Variants in TBC1D26 observed in about 807,000 individuals in gnomAD.
TBC1D26 encodes the protein TBC1 domain family member 26, also known as TBC1 domain family, member 26.
In TBC1D26, 19 loss-of-function variants were observed where a neutral mutation model predicts 42.5. That is an observed-to-expected ratio of 0.45 (90% CI 0.31 to 0.66). TBC1D26 has a LOEUF of 0.66. Ranked by LOEUF, TBC1D26 falls within the 30% of genes least tolerant of loss-of-function variation. TBC1D26 has a pLI of 0.06. For synonymous variants in TBC1D26, 97 were observed against 123.5 expected (o/e 0.79, Z 1.42); for missense variants, 228 against 332.6 (o/e 0.69, Z 2.45).
intron 7 of TBC1D26, 129 bp downstream of exon 7, chr17:15,738,516 C>T: frequency 2.3e-6 from 3 of 1,330,250 alleles, no homozygotes; most frequent in South Asian, 1.3e-5. Flanking sequence ...ACATCCTGGG[C>T]ATAGATGGTA....
intron 1 of TBC1D26, among the ~76,000 whole-genome samples, chr17:15,734,552 G>A (rs1386053590): frequency 1.3e-5 from 2 of 151,930 alleles, no homozygotes; most frequent in Non-Finnish European, 2.9e-5. Flanking sequence ...CTTGGGGACT[G>A]GAACCCTCCT....
chr17:15,740,003 C>T, intron 8 of TBC1D26, 97 bp from the exon 9 acceptor site: 1 of 1,493,264 alleles, frequency 6.7e-7, no homozygotes, highest in African/African-American at 1.4e-5. Context: ...ATCATCTGAA[C>T]CCAGAATTGT....
At chr17:15,732,701 C>T (rs12452362) in intron 1 of TBC1D26, among the ~76,000 whole-genome samples, 91,305 of 151,928 alleles carry the variant, frequency 0.6, 27,463 homozygotes, top group Middle Eastern at 0.67. Flanking sequence ...CCAGGGTTTT[C>T]TGGCCCCTGA....
chr17:15,741,754 G>A (rs1768144872), intron 10 of TBC1D26, 188 bp from the exon 11 acceptor site: 1 of 593,166 alleles, frequency 1.7e-6, no homozygotes, highest in Non-Finnish European at 3.0e-6. Context: ...CTGGACCCAG[G>A]AGGCCGCTAG....
rs370363326 is a variant in TBC1D26 at position 15,738,346 on chromosome 17, G to C, written c.346G>C (p.Asp116His). 58 of 1,613,604 alleles carry C rather than the reference G, an allele frequency of 3.6e-5. No individual in the cohort carries two copies. In the African/African-American group the frequency reaches 7.5e-4, roughly 21 times the overall value. The change falls in exon 7 of 15, where the codon GAT (aspartate) becomes CAT (histidine). Residue 116 changes from aspartate (D) to histidine (H), a missense_variant. By Grantham distance (81) the Asp-to-His change is moderately conservative. Around this residue, in one of 5 missense-constraint regions of TBC1D26, gnomAD observed 72 missense variants for 90.1 expected, o/e 0.80. Transcript: ENST00000437605. ...VRGRAWSLLL[D>H]IDRIKSQNPG... ...GGGCCGGGCGTGGTCACTTTTGCTA[G>C]ATATTGACAGAATCAAGTCCCAGAA...
At chr17:15,740,876 G>A (rs1452555099) in intron 9 of TBC1D26, 10 of 638,344 alleles carry the variant, frequency 1.6e-5, no homozygotes, top group East Asian at 3.4e-5. Flanking sequence ...GTGCCCTTTC[G>A]GGCCATGTGA....
Position 15,741,371 on chromosome 17 carries a change from C to T in TBC1D26, c.646+150C>T, listed in dbSNP as rs73272160. 3.8e-3 allele frequency: 5,405 copies of T among 1,413,268 alleles called. 175 individuals carry two copies. The African/African-American group carries it at 0.066, about 17-fold the overall frequency. The allele number at this position is 1,413,268 out of a possible 1,614,324, so 87.5% of individuals were successfully genotyped here. On this transcript the variant is annotated intron_variant, in intron 10 of 14. Coordinates refer to ENST00000437605, the MANE Select transcript of TBC1D26 (RefSeq NM_001388465.1). ...CTTGTTTGGAGCCTCCAGGATGTCC[C>T]TGCTGAGGTCCTACAGCAGCCTGGG...
At chr17:15,736,151 C>G (rs1370344744) in intron 4 of TBC1D26, among the ~76,000 whole-genome samples, 1 of 152,148 alleles carries the variant, frequency 6.6e-6, no homozygotes, top group Non-Finnish European at 1.5e-5. Context: ...GGCCCTGGCC[C>G]TGGTAGGTTG....
chr17:15,734,636 G>C (rs192123804), intron 1 of TBC1D26: 1 of 154,514 alleles, frequency 6.5e-6, no homozygotes, highest in Non-Finnish European at 1.4e-5. Flanking sequence ...CCTGGGGGGG[G>C]ACGGTTCCCC....
chr17:15,736,514 C>T (rs910342371), intron 4 of TBC1D26: 1 of 151,782 alleles, frequency 6.6e-6, no homozygotes, highest in Non-Finnish European at 1.5e-5. Context: ...CTGCATGGCC[C>T]TCCAGAGATT....
At chr17:15,733,623 C>T (rs1967534562) in intron 1 of TBC1D26, 2 of 152,260 alleles carry the variant, frequency 1.3e-5, no homozygotes, top group East Asian at 3.9e-4. Context: ...GTGGGACAGC[C>T]AGCCCTGGCC....
At chr17:15,740,769 C>T (rs1392106956) in intron 9 of TBC1D26, 2 of 991,816 alleles carry the variant, frequency 2.0e-6, no homozygotes, top group African/African-American at 1.7e-5. Flanking sequence ...CCGCTGCCTG[C>T]CCTCGTGGCA....
chr17:15,734,333 T>C (rs1967553621), intron 1 of TBC1D26, among the ~76,000 whole-genome samples: 1 of 152,090 alleles, frequency 6.6e-6, no homozygotes, highest in Non-Finnish European at 1.5e-5. Context: ...TCCAAGTCTG[T>C]GCCCTAAGCT....
rs1442973728 is a variant in TBC1D26, at chr17:15,741,005, C to T, written c.547-117C>T. The T allele has an allele frequency of 3.6e-6, 5 of 1,381,448 alleles. No homozygotes were observed. The South Asian group carries it at 6.4e-5, about 18-fold the overall frequency. The allele number at this position is 1,381,448 out of a possible 1,614,324, so 85.6% of individuals were successfully genotyped here. A position where few individuals can be genotyped will look rare whatever the true frequency, so the allele number is the denominator to read the frequency against. On this transcript the variant is annotated intron_variant, in intron 9 of 14. Coordinates refer to ENST00000437605, the MANE Select transcript of TBC1D26 (RefSeq NM_001388465.1). The stretch of plus-strand genomic sequence containing the variant: ...GTGCAGAGGCTGCACCTCAAATCCC[C>T]TGGGGCCTGAGGCAGGTGTCCCCAA...
At position 15,735,008 on chromosome 17, in the gene TBC1D26, A is replaced by C. The variant is rs549981884; in HGVS notation, c.-64A>C. On this transcript the variant is annotated 5_prime_UTR_variant, in exon 2 of 15. Coordinates refer to ENST00000437605, the MANE Select transcript of TBC1D26 (RefSeq NM_001388465.1). ...TGACTCCACCTGCCTCCAGGTGCCC[A>C]GAACAGCCCATCGTGGGGACTTCAC... The C allele has an allele frequency of 6.3e-4, 235 of 375,472 alleles. 1 individual carries two copies. Among genetic ancestry groups the C allele is most frequent in the Non-Finnish European group, 9.0e-4 (186 of 205,756 alleles). The allele number at this position is 375,472 out of a possible 1,614,324, so 23.3% of individuals were successfully genotyped here. A position where few individuals can be genotyped will look rare whatever the true frequency, so the allele number is the denominator to read the frequency against.
At chr17:15,744,129 A>C (rs1967861168) in intron 14 of TBC1D26, 114 bp from the exon 15 acceptor site, 1 of 152,160 alleles carries the variant, frequency 6.6e-6, no homozygotes, top group South Asian at 2.1e-4. Context: ...GATGTCATAA[A>C]GGTCCACCCC....
At chr17:15,739,725 A>G (rs780993123) in intron 8 of TBC1D26, among the ~76,000 whole-genome samples, 37 of 152,292 alleles carry the variant, frequency 2.4e-4, no homozygotes, top group Non-Finnish European at 5.0e-4. Context: ...GGGGACTTGG[A>G]AGATGAAGGA....
intron 8 of TBC1D26, among the ~76,000 whole-genome samples, chr17:15,739,724 G>GA (rs1967720858): frequency 6.6e-6 from 1 of 152,296 alleles, no homozygotes; most frequent in African/African-American, 2.4e-5. Flanking sequence ...TGGGGACTTG[G>GA]AAGATGAAGG....
chr17:15,737,886 G>A (rs1225857564), intron 5 of TBC1D26, 111 bp from the exon 6 acceptor site: 7 of 1,415,880 alleles, frequency 4.9e-6, no homozygotes, highest in Non-Finnish European at 5.9e-6. Context: ...GCCCTTTCCT[G>A]GCTTCTTCAA....
Sources: gnomAD v4.1 joint callset for allele counts (sites outside exome capture counted in the v4.1 genomes callset) on GRCh38, gnomAD v4.1.1 for gene constraint, gnomAD v4.1.1 regional missense constraint, MANE v1.5 for transcripts, NCBI Gene and HGNC (gene_info 2026-07-23, HGNC 2026-07-21) for gene names.